NAALAD2: variants seen among roughly 807,000 people sequenced by gnomAD.
NAALAD2 encodes the protein N-acetylated alpha-linked acidic dipeptidase 2.
In NAALAD2, 89 loss-of-function variants were observed where a neutral mutation model predicts 95.6. That is an observed-to-expected ratio of 0.93 (90% CI 0.78 to 1.11). The LOEUF (loss-of-function observed/expected upper bound fraction) is 1.11, where lower values mean the gene tolerates loss of function less well. Ranked by LOEUF, NAALAD2 falls within the 50% of genes least tolerant of loss-of-function variation. The pLI, the probability that NAALAD2 is intolerant of heterozygous loss-of-function variation, is 0.00. For synonymous variants in NAALAD2, 264 were observed against 294.4 expected (o/e 0.90, Z 1.06); for missense variants, 894 against 872.4 (o/e 1.02, Z -0.31).
At chr11:90,161,611 T>C (rs1181862486) in intron 8 of NAALAD2, among the ~76,000 whole-genome samples, 2 of 152,162 alleles carry the variant, frequency 1.3e-5, no homozygotes, top group African/African-American at 4.8e-5. Flanking sequence ...AATATTCTTC[T>C]GGAGCTCAAA....
intron 18 of NAALAD2, among the ~76,000 whole-genome samples, chr11:90,186,766 G>GC (rs1216511108): frequency 2.7e-5 from 4 of 145,902 alleles, no homozygotes; most frequent in African/African-American, 1.0e-4. Context: ...ATAGGCATGG[G>GC]CAAGGACTTC....
chr11:90,171,280 G>T (rs537303117), intron 13 of NAALAD2, among the ~76,000 whole-genome samples: 82 of 152,062 alleles, frequency 5.4e-4, no homozygotes, highest in Non-Finnish European at 1.0e-3. Context: ...TTCTCTCTGG[G>T]TACTATTAAT....
chr11:90,172,623 G>A (rs1952675541), intron 13 of NAALAD2, among the ~76,000 whole-genome samples: 2 of 152,072 alleles, frequency 1.3e-5, no homozygotes, highest in Admixed American at 1.3e-4. Context: ...ATAGCACTTT[G>A]ATATTTTCTT....
Position 90,149,027 on chromosome 11 carries a change from G to A in NAALAD2, c.403G>A (p.Glu135Lys), listed in dbSNP as rs375408506. 10 of 1,603,724 alleles carry A rather than the reference G, an allele frequency of 6.2e-6. No homozygotes were observed. The African/African-American group carries it at 1.3e-4, about 22-fold the overall frequency. Reference sequence around the variant, plus strand: ...CTAGATTTTCAAAACATCATACCTTGAACCACCACCAGATGGCTATGAGAA... The same window carrying A: ...CTAGATTTTCAAAACATCATACCTTAAACCACCACCAGATGGCTATGAGAA... ...ETEIFKTSYL[E>K]PPPDGYENVT... Residue 135 changes from glutamate to lysine, a missense_variant, in exon 4 of 19, where the codon GAA becomes AAA. Glu to Lys is a moderately conservative substitution (Grantham distance 56). Transcript: ENST00000534061.
At chr11:90,165,727 C>A (rs903177008) in intron 11 of NAALAD2, among the ~76,000 whole-genome samples, 1 of 152,074 alleles carries the variant, frequency 6.6e-6, no homozygotes, top group African/African-American at 2.4e-5. Context: ...TAGTTCAGGT[C>A]ATTATCTTTT....
In NAALAD2 at chr11:90,150,552, A is replaced by T; in HGVS notation, c.554A>T (p.Asn185Ile). ...FFKLEREMGI[N>I]CTGKIVIARY... Reference sequence around the variant, plus strand: ...AAACTAGAAAGAGAGATGGGCATCAACTGTACTGGGAAGATTGTTATTGCA... The same window carrying T: ...AAACTAGAAAGAGAGATGGGCATCATCTGTACTGGGAAGATTGTTATTGCA... The change falls in exon 5 of 19, where the codon AAC (asparagine) becomes ATC (isoleucine). Residue 185 changes from asparagine to isoleucine, a missense_variant. Transcript: ENST00000534061. The T allele has an allele frequency of 6.2e-7, 1 of 1,610,142 alleles. No homozygotes were observed. Among genetic ancestry groups the T allele is most frequent in the Non-Finnish European group, 8.5e-7 (1 of 1,177,006 alleles).
chr11:90,191,737 A>T lies in NAALAD2; in HGVS notation c.2213A>T (p.Glu738Val). Residue 738 changes from glutamate (E) to valine (V), a missense_variant, in exon 19 of 19, where the codon GAA becomes GTA. Physicochemically the swap from Glu to Val is moderately radical, Grantham distance 121 (BLOSUM62 -2). Coordinates refer to ENST00000534061, the MANE Select transcript of NAALAD2 (RefSeq NM_005467.4). ...TIQAAAGTLK[E>V]VL ...CAAGCAGCAGCAGGAACTCTGAAAG[A>T]AGTATTATAGAAGGTCTCAAGTGGC... 1.9e-6 allele frequency: 3 copies of T among 1,583,956 alleles called. No homozygotes were observed. The highest frequency in any genetic ancestry group is 2.6e-6 in the Non-Finnish European group (3 of 1,166,346).
At chr11:90,188,317 A>G (rs1334306424) in intron 18 of NAALAD2, among the ~76,000 whole-genome samples, 1 of 152,250 alleles carries the variant, frequency 6.6e-6, no homozygotes, top group Non-Finnish European at 1.5e-5. Flanking sequence ...TTAAAATAAA[A>G]TGTTAATGTG....
chr11:90,160,290 G>A (rs570381517), intron 8 of NAALAD2, among the ~76,000 whole-genome samples: 14 of 152,304 alleles, frequency 9.2e-5, no homozygotes, highest in African/African-American at 2.6e-4. Context: ...GTTGAACAGC[G>A]TGGCATGATC....
At chr11:90,150,991 A>G (rs1951874700) in intron 5 of NAALAD2, among the ~76,000 whole-genome samples, 1 of 152,038 alleles carries the variant, frequency 6.6e-6, no homozygotes, top group Non-Finnish European at 1.5e-5. Context: ...CATTTTACAT[A>G]TATTTATTTA....
chr11:90,137,971 A>G (rs573845107), intron 2 of NAALAD2, among the ~76,000 whole-genome samples: 2 of 151,996 alleles, frequency 1.3e-5, no homozygotes, highest in East Asian at 1.9e-4. Flanking sequence ...AGTTCTTTAT[A>G]TAGAGTTGAC....
chr11:90,176,171 G>A (rs1399012535), intron 15 of NAALAD2, 109 bp downstream of exon 15: 2 of 721,604 alleles, frequency 2.8e-6, no homozygotes, highest in Non-Finnish European at 4.7e-6. Context: ...GGCCTGGGAA[G>A]AGTTCCCAGG....
At chr11:90,172,314 T>C (rs1952666179) in intron 13 of NAALAD2, among the ~76,000 whole-genome samples, 1 of 152,116 alleles carries the variant, frequency 6.6e-6, no homozygotes, top group Non-Finnish European at 1.5e-5. Flanking sequence ...TCATAAAATA[T>C]CATCTCATTC....
intron 2 of NAALAD2, among the ~76,000 whole-genome samples, chr11:90,141,434 A>G (rs556284567): frequency 2.0e-5 from 3 of 152,278 alleles, no homozygotes; most frequent in African/African-American, 7.2e-5. Flanking sequence ...GATGCTTTAC[A>G]TGCTTTGTTA....
At chr11:90,144,750 A>AAAAAAAAAAAAC in intron 2 of NAALAD2, among the ~76,000 whole-genome samples, 1 of 150,914 alleles carries the variant, frequency 6.6e-6, no homozygotes, top group African/African-American at 2.4e-5. Context: ...TAAAAAAAAA[A>AAAAAAAAAAAAC]AAAAACGGAA....
chr11:90,135,231 T>C, intron 1 of NAALAD2: 1 of 295,172 alleles, frequency 3.4e-6, no homozygotes, highest in East Asian at 6.3e-5. Flanking sequence ...GCTCTATACG[T>C]AAATAAATAT....
intron 6 of NAALAD2, among the ~76,000 whole-genome samples, chr11:90,156,358 C>T (rs538176262): frequency 6.6e-6 from 1 of 152,120 alleles, no homozygotes; most frequent in African/African-American, 2.4e-5. Flanking sequence ...CATCAGGAAC[C>T]CAGCCAGTTT....
At chr11:90,185,000 G>A (rs1029621687) in intron 18 of NAALAD2, among the ~76,000 whole-genome samples, 1 of 152,094 alleles carries the variant, frequency 6.6e-6, no homozygotes, top group African/African-American at 2.4e-5. Flanking sequence ...CTGATTTAAA[G>A]TATCTGGGAG....
intron 5 of NAALAD2, among the ~76,000 whole-genome samples, chr11:90,150,888 C>G (rs750438548): frequency 1.2e-4 from 18 of 152,082 alleles, no homozygotes; most frequent in Non-Finnish European, 2.5e-4. Flanking sequence ...AGCTTCTCTG[C>G]ATTACCCACT....
Sources: gnomAD v4.1 joint callset for allele counts (sites outside exome capture counted in the v4.1 genomes callset) on GRCh38, gnomAD v4.1.1 for gene constraint, MANE v1.5 for transcripts, NCBI Gene and HGNC (gene_info 2026-07-23, HGNC 2026-07-21) for gene names.